SORT1: variants seen among roughly 807,000 people sequenced by gnomAD.
The protein encoded by SORT1 is sortilin 1.
A neutral mutation model predicts 101.7 loss-of-function variants in SORT1; 39 were observed. That is an observed-to-expected ratio of 0.38 (90% CI 0.30 to 0.50). The LOEUF is 0.50. SORT1 is among the 20% of genes least tolerant of loss of function. The probability of loss-of-function intolerance (pLI) is 0.90; values close to 1 mark genes in which losing one functional copy is unlikely to be tolerated. For synonymous variants in SORT1, 396 were observed against 393.7 expected, an observed-to-expected ratio of 1.01 and a Z score of -0.07; for missense variants, 878 against 1,040.4, an observed-to-expected ratio of 0.84 and a Z score of 2.15.
intron 1 of SORT1, among the ~76,000 whole-genome samples, chr1:109,370,434 GT>G (rs1651417959): frequency 6.6e-6 from 1 of 151,966 alleles, no homozygotes; most frequent in Admixed American, 6.6e-5. Context: ...ACAATCGTCT[GT>G]TCTCTATAAT....
intron 1 of SORT1, among the ~76,000 whole-genome samples, chr1:109,373,401 C>T (rs1006858526): frequency 6.6e-6 from 1 of 152,196 alleles, no homozygotes; most frequent in Non-Finnish European, 1.5e-5. Context: ...AGCCACCCCA[C>T]CAAGTCTTCA....
chr1:109,397,856 G>A lies in SORT1; in HGVS notation c.37C>T (p.Arg13Cys). The change falls in exon 1 of 20, where the codon CGC becomes TGC. Residue 13 changes from arginine to cysteine, a missense_variant. By Grantham distance (180) the Arg-to-Cys change is radical (BLOSUM62 -3). Around this residue, in one of 2 missense-constraint regions of SORT1, gnomAD observed 194 missense variants for 145.9 expected, o/e 1.33. Coordinates refer to ENST00000256637, the MANE Select transcript of SORT1 (RefSeq NM_002959.7). Reference sequence around the variant, plus strand: ...AGGAGGCCGAGGCCATGGGGCCAGCGCGAGAGGCCGTCCGCAGCTCCCCAG... The same window carrying A: ...AGGAGGCCGAGGCCATGGGGCCAGCACGAGAGGCCGTCCGCAGCTCCCCAG... ...RPWGAADGLS[R>C]WPHGLGLLLL... 4 of 1,284,518 alleles carry A rather than the reference G, an allele frequency of 3.1e-6. No homozygotes were observed. The highest frequency in any genetic ancestry group is 3.6e-5 in the South Asian group (2 of 55,442). 79.6% of individuals were successfully genotyped at this position (1,284,518 alleles called of 1,614,324 possible). A position where few individuals can be genotyped will look rare whatever the true frequency, so the allele number is the denominator to read the frequency against.
chr1:109,364,531 C>A (rs186021336), intron 3 of SORT1, among the ~76,000 whole-genome samples: 1 of 151,736 alleles, frequency 6.6e-6, no homozygotes, highest in Non-Finnish European at 1.5e-5. Flanking sequence ...TCCAATGGAA[C>A]AATGATTAAG....
intron 5 of SORT1, among the ~76,000 whole-genome samples, chr1:109,351,594 G>A (rs748217846): frequency 1.2e-4 from 18 of 152,204 alleles, no homozygotes; most frequent in African/African-American, 4.3e-4. Flanking sequence ...CAAATTCCAA[G>A]GTAAGCAAAT....
At position 109,376,822 on chromosome 1, in the gene SORT1, A is replaced by G. The variant is rs539453385; in HGVS notation, c.307-7233T>C. ...TGAGTGATGGGATCATTTGTATCCC[A>G]GCATCGCACAATATACCCAGGTAAC... On this transcript the variant is annotated intron_variant, in intron 1 of 19. Transcript: ENST00000256637. Among the ~76,000 whole-genome samples the G allele has an allele frequency of 5.0e-3, 762 of 152,330 alleles. 10 individuals carry two copies. Among genetic ancestry groups the G allele is most frequent in the African/African-American group, 0.018 (732 of 41,574 alleles).
At chr1:109,338,715 C>T (rs1418453615) in intron 10 of SORT1, among the ~76,000 whole-genome samples, 1 of 152,076 alleles carries the variant, frequency 6.6e-6, no homozygotes, top group African/African-American at 2.4e-5. Flanking sequence ...CTTGTTGTTG[C>T]TCTCCTCACT....
rs1570896251 is a variant in SORT1 at position 109,325,193 on chromosome 1, C to A, written c.1644-104G>T. On this transcript the variant is annotated intron_variant, in intron 13 of 19. Coordinates refer to ENST00000256637, the MANE Select transcript of SORT1 (RefSeq NM_002959.7). ...ATCCCAAACCAGACAAAACCCCTTACATTTAGGTGGTGGCTTATTGGCTGA... is the reference window on the plus strand; with the variant it reads ...ATCCCAAACCAGACAAAACCCCTTAAATTTAGGTGGTGGCTTATTGGCTGA... 4.7e-5 allele frequency: 24 copies of A among 510,966 alleles called. 1 individual carries two copies. The South Asian group carries it at 5.0e-4, about 11-fold the overall frequency. 31.7% of individuals were successfully genotyped at this position (510,966 alleles called of 1,614,324 possible). A position where few individuals can be genotyped will look rare whatever the true frequency, so the allele number is the denominator to read the frequency against.
At chr1:109,334,090 G>C (rs1029138239) in intron 11 of SORT1, among the ~76,000 whole-genome samples, 1 of 152,116 alleles carries the variant, frequency 6.6e-6, no homozygotes, top group Non-Finnish European at 1.5e-5. Context: ...AGGTTGAAGT[G>C]AGCCAAGATC....
intron 8 of SORT1, among the ~76,000 whole-genome samples, 196 bp from the exon 9 acceptor site, chr1:109,342,354 A>G (rs1649284855): frequency 6.6e-6 from 1 of 152,226 alleles, no homozygotes; most frequent in African/African-American, 2.4e-5. Context: ...GGAACAATCC[A>G]TTCTATTCTA....
Position 109,397,693 on chromosome 1 carries a change from C to T in SORT1, c.200G>A (p.Gly67Asp), listed in dbSNP as rs1318327339. ...SWGLRAAAAGGAFPRGGRWRR... is the reference protein window; with the variant it reads ...SWGLRAAAAGDAFPRGGRWRR... ...CCAACGGCCGCCGCGGGGAAACGCG[C>T]CCCCGGCTGCGGCCGCCCGCAGCCC... Residue 67 changes from glycine (G) to aspartate (D), a missense_variant, in exon 1 of 20, where the codon GGC (glycine) becomes GAC (aspartate). Coordinates refer to ENST00000256637, the MANE Select transcript of SORT1 (RefSeq NM_002959.7). 3 of 1,191,534 alleles carry T rather than the reference C, an allele frequency of 2.5e-6. No homozygotes were observed. The highest frequency in any genetic ancestry group is 3.1e-6 in the Non-Finnish European group (3 of 963,486). The allele number at this position is 1,191,534 out of a possible 1,614,324, so 73.8% of individuals were successfully genotyped here. A position where few individuals can be genotyped will look rare whatever the true frequency, so the allele number is the denominator to read the frequency against.
At chr1:109,358,320 A>G (rs559715485) in intron 3 of SORT1, among the ~76,000 whole-genome samples, 2 of 152,252 alleles carry the variant, frequency 1.3e-5, no homozygotes, top group Admixed American at 6.5e-5. Flanking sequence ...TATCATGAAG[A>G]TATGTATGGT....
At position 109,314,038 on chromosome 1, in the gene SORT1, AAG is replaced by A; in HGVS notation, c.*3_*4del. The A allele has an allele frequency of 6.2e-7, 1 of 1,613,772 alleles. No homozygotes were observed. The highest frequency in any genetic ancestry group is 1.1e-5 in the South Asian group (1 of 91,072). ...ATCCATGCTGGGTCCAGCTCCTCTG[AAG>A]AGCTATTCCAAGAGGTCCTGAAAAA... is the stretch of plus-strand genomic sequence containing the variant. On this transcript the variant is annotated 3_prime_UTR_variant, in exon 20 of 20. Coordinates refer to ENST00000256637, the MANE Select transcript of SORT1 (RefSeq NM_002959.7).
At chr1:109,362,752 T>C (rs912912861) in intron 3 of SORT1, among the ~76,000 whole-genome samples, 4 of 152,040 alleles carry the variant, frequency 2.6e-5, no homozygotes, top group Non-Finnish European at 4.4e-5. Flanking sequence ...AGAAGTGAAG[T>C]TGTATTAAAG....
At chr1:109,350,432 C>G (rs563030792) in intron 6 of SORT1, among the ~76,000 whole-genome samples, 1 of 152,252 alleles carries the variant, frequency 6.6e-6, no homozygotes, top group East Asian at 1.9e-4. Context: ...AGCAGGCACC[C>G]GGAGGGGCAG....
chr1:109,347,432 T>C (rs1463805205), intron 7 of SORT1, 51 bp downstream of exon 7: 1 of 1,310,386 alleles, frequency 7.6e-7, no homozygotes. Context: ...CAGAAAATTC[T>C]ACCATGAATG....
chr1:109,397,043 C>G (rs116362610), intron 1 of SORT1, among the ~76,000 whole-genome samples: 1,739 of 152,336 alleles, frequency 0.011, 18 homozygotes, highest in Non-Finnish European at 0.018. Flanking sequence ...CGTACCATGA[C>G]AGAAGGTCAA....
At chr1:109,340,146 C>CAAAAAA (rs34790280) in intron 10 of SORT1, among the ~76,000 whole-genome samples, 1 of 96,292 alleles carries the variant, frequency 1.0e-5, no homozygotes, top group Non-Finnish European at 2.1e-5. Flanking sequence ...GATTCCATCT[C>CAAAAAA]AAAAAAAAAA....
At chr1:109,345,470 G>A (rs1457120499) in intron 8 of SORT1, among the ~76,000 whole-genome samples, 1 of 151,812 alleles carries the variant, frequency 6.6e-6, no homozygotes, top group Non-Finnish European at 1.5e-5. Context: ...AGCCGAGATT[G>A]CGTCACTGCA....
chr1:109,330,079 G>A (rs1223605181), intron 11 of SORT1, among the ~76,000 whole-genome samples: 1 of 152,116 alleles, frequency 6.6e-6, no homozygotes, highest in Admixed American at 6.5e-5. Flanking sequence ...TTGGCTCACT[G>A]CAAGCTCCGC....
Sources: allele counts gnomAD v4.1 joint callset (sites outside exome capture counted in the v4.1 genomes callset), GRCh38; gene constraint gnomAD v4.1.1; regional missense constraint gnomAD v4.1.1; transcripts MANE v1.5; gene names NCBI Gene and HGNC (gene_info 2026-07-23, HGNC 2026-07-21).